The following GRM7 variants were observed in gnomAD, a reference collection of about 807,000 sequenced individuals.
GRM7 encodes glutamate metabotropic receptor 7.
A neutral mutation model predicts 84.5 loss-of-function variants in GRM7; 35 were observed. The observed-to-expected ratio is 0.41, with a 90% CI of 0.32 to 0.55. GRM7 has a LOEUF of 0.55. Ranked by LOEUF, GRM7 falls within the 20% of genes least tolerant of loss-of-function variation. GRM7 has a pLI of 0.19. For missense variants in GRM7, 1,003 were observed against 1,194.6 expected (o/e 0.84, Z 2.36); for synonymous variants, 487 against 455.1 (o/e 1.07, Z -0.89).
At chr3:7,348,299 C>T (rs1356079196) in intron 4 of GRM7, among the ~76,000 whole-genome samples, 1 of 152,178 alleles carries the variant, frequency 6.6e-6, no homozygotes, top group East Asian at 1.9e-4. Context: ...GGTCTGTTGC[C>T]TTATTGGCAT....
intron 2 of GRM7, among the ~76,000 whole-genome samples, chr3:7,147,019 C>G (rs1427975255): frequency 1.3e-5 from 2 of 152,156 alleles, no homozygotes; most frequent in Non-Finnish European, 2.9e-5. Flanking sequence ...TCCTCTCTGC[C>G]TCTCTCCAAA....
intron 7 of GRM7, among the ~76,000 whole-genome samples, chr3:7,465,688 A>G (rs1277605845): frequency 2.6e-5 from 4 of 152,142 alleles, no homozygotes; most frequent in Non-Finnish European, 4.4e-5. Context: ...TCTCCTCACA[A>G]AGATTCATGG....
intron 1 of GRM7, among the ~76,000 whole-genome samples, chr3:7,000,824 G>A (rs972078920): frequency 6.6e-6 from 1 of 152,202 alleles, no homozygotes; most frequent in Non-Finnish European, 1.5e-5. Context: ...CACGGTGTAT[G>A]TCATCTCTGC....
intron 2 of GRM7, among the ~76,000 whole-genome samples, chr3:7,224,669 C>A (rs1321570098): frequency 6.6e-6 from 1 of 152,178 alleles, no homozygotes; most frequent in Non-Finnish European, 1.5e-5. Flanking sequence ...CTACTCATAG[C>A]AAAATATCTT....
intron 7 of GRM7, among the ~76,000 whole-genome samples, chr3:7,472,082 G>T (rs1698725058): frequency 6.6e-6 from 1 of 152,084 alleles, no homozygotes; most frequent in African/African-American, 2.4e-5. Flanking sequence ...GTGTTAAAAA[G>T]CCCAAAAACT....
At chr3:7,116,410 A>G (rs916128735) in intron 1 of GRM7, among the ~76,000 whole-genome samples, 3 of 152,170 alleles carry the variant, frequency 2.0e-5, no homozygotes, top group Non-Finnish European at 2.9e-5. Flanking sequence ...ACAGATGAGG[A>G]AACTGAGGCC....
intron 2 of GRM7, among the ~76,000 whole-genome samples, chr3:7,162,833 C>T (rs914648837): frequency 2.2e-5 from 3 of 133,666 alleles, no homozygotes; most frequent in Non-Finnish European, 3.1e-5. Context: ...GATCTCAGTT[C>T]GCTGCAACCT....
At chr3:7,517,836 A>G (rs1700449022) in intron 7 of GRM7, among the ~76,000 whole-genome samples, 1 of 152,228 alleles carries the variant, frequency 6.6e-6, no homozygotes, top group Non-Finnish European at 1.5e-5. Context: ...TTTTAACTTA[A>G]GTAGTTTTCC....
chr3:7,546,550 G>A (rs548452731), intron 7 of GRM7, among the ~76,000 whole-genome samples: 4 of 152,336 alleles, frequency 2.6e-5, no homozygotes, highest in Admixed American at 2.0e-4. Flanking sequence ...AGAGAAGCAA[G>A]TGAAAAACAA....
intron 5 of GRM7, among the ~76,000 whole-genome samples, chr3:7,437,312 C>T (rs1160983797): frequency 6.6e-6 from 1 of 152,094 alleles, no homozygotes; most frequent in Admixed American, 6.5e-5. Flanking sequence ...TGTTTTTGCA[C>T]CCTCCTTTCT....
intron 4 of GRM7, among the ~76,000 whole-genome samples, chr3:7,345,932 C>A (rs777900506): frequency 6.6e-6 from 1 of 152,002 alleles, no homozygotes; most frequent in Non-Finnish European, 1.5e-5. Flanking sequence ...AGTATAAAGA[C>A]GTTATGATTA....
At chr3:7,323,137 C>T (rs542001819) in intron 4 of GRM7, among the ~76,000 whole-genome samples, 54 of 152,132 alleles carry the variant, frequency 3.5e-4, no homozygotes, top group Admixed American at 8.5e-4. Flanking sequence ...TATGTGTATT[C>T]CAGAGTCAGT....
intron 4 of GRM7, among the ~76,000 whole-genome samples, chr3:7,317,346 G>C (rs1700620111): frequency 1.3e-5 from 2 of 152,132 alleles, no homozygotes; most frequent in South Asian, 4.1e-4. Context: ...TCGAAGAATA[G>C]GCCATTGTAA....
chr3:7,042,532 T>G (rs755144892), intron 1 of GRM7, among the ~76,000 whole-genome samples: 1 of 152,198 alleles, frequency 6.6e-6, no homozygotes, highest in East Asian at 1.9e-4. Flanking sequence ...TCTTTCTTTT[T>G]CTCTGTGTTT....
chr3:7,087,865 T>A (rs1698518690), intron 1 of GRM7, among the ~76,000 whole-genome samples: 1 of 152,244 alleles, frequency 6.6e-6, no homozygotes, highest in Non-Finnish European at 1.5e-5. Flanking sequence ...ATTAGTGTTG[T>A]TATGAAAACA....
chr3:7,555,003 T>A (rs1432837452), intron 7 of GRM7, among the ~76,000 whole-genome samples: 1 of 152,172 alleles, frequency 6.6e-6, no homozygotes, highest in Non-Finnish European at 1.5e-5. Context: ...TCAACTTAGA[T>A]TAGAAGCACA....
chr3:6,989,306 C>G (rs1301775935), intron 1 of GRM7, among the ~76,000 whole-genome samples: 1 of 152,076 alleles, frequency 6.6e-6, no homozygotes, highest in East Asian at 1.9e-4. Context: ...AAACACAGAT[C>G]AACAAAGAAT....
At chr3:7,103,129 A>G (rs1177208380) in intron 1 of GRM7, among the ~76,000 whole-genome samples, 1 of 151,876 alleles carries the variant, frequency 6.6e-6, no homozygotes, top group East Asian at 1.9e-4. Flanking sequence ...GTTAAAAACT[A>G]AGAGTAATAT....
chr3:7,616,823 G>GA (rs1385516980), intron 8 of GRM7, among the ~76,000 whole-genome samples: 1 of 152,078 alleles, frequency 6.6e-6, no homozygotes, highest in African/African-American at 2.4e-5. Flanking sequence ...ATGACTTCAG[G>GA]ATGAAAAACC....
Sources: gnomAD v4.1 joint callset for allele counts (sites outside exome capture counted in the v4.1 genomes callset) on GRCh38, gnomAD v4.1.1 for gene constraint, MANE v1.5 for transcripts, NCBI Gene and HGNC (gene_info 2026-07-23, HGNC 2026-07-21) for gene names.